GTF2H5: variants seen among roughly 807,000 people sequenced by gnomAD.
GTF2H5 encodes general transcription factor IIH subunit 5.
Under a neutral mutation model 7.1 loss-of-function variants are expected in GTF2H5, and 5 were observed. The observed-to-expected ratio is 0.71, with a 90% confidence interval of 0.37 to 1.49. The LOEUF is 1.49. Among genes scored for constraint, GTF2H5 ranks in the 40% most tolerant of loss-of-function variants. GTF2H5 has a pLI of 0.03. For synonymous variants in GTF2H5, 30 were observed against 31.7 expected (o/e 0.95, Z 0.18); for missense variants, 80 against 83.0 (o/e 0.96, Z 0.14).
intron 1 of GTF2H5, among the ~76,000 whole-genome samples, chr6:158,169,712 T>A (rs1173308126): frequency 1.5e-5 from 1 of 67,858 alleles, no homozygotes; most frequent in African/African-American, 7.9e-5. Context: ...ATATTGTATA[T>A]TATATATTAT....
chr6:158,184,900 G>C (rs762950785), intron 2 of GTF2H5, among the ~76,000 whole-genome samples: 3 of 152,130 alleles, frequency 2.0e-5, no homozygotes, highest in Non-Finnish European at 4.4e-5. Context: ...CTTTATAGGA[G>C]CTATACTAAG....
chr6:158,178,594 A>G (rs141127079), intron 2 of GTF2H5, among the ~76,000 whole-genome samples: 2,709 of 152,136 alleles, frequency 0.018, 79 homozygotes, highest in African/African-American at 0.062. Context: ...CATTACTCTA[A>G]TGACCAGTGA....
intron 1 of GTF2H5, among the ~76,000 whole-genome samples, chr6:158,169,662 A>T (rs866759015): frequency 6.8e-5 from 6 of 88,128 alleles, no homozygotes; most frequent in Non-Finnish European, 1.2e-4. Context: ...TACATATAAT[A>T]TATTGTATAT....
intron 2 of GTF2H5, among the ~76,000 whole-genome samples, chr6:158,182,668 G>A (rs751210376): frequency 4.6e-5 from 7 of 151,256 alleles, no homozygotes; most frequent in Admixed American, 6.6e-5. Context: ...TGATCAAATC[G>A]GCTATTGAAG....
chr6:158,182,999 C>G (rs1786030834), intron 2 of GTF2H5, among the ~76,000 whole-genome samples: 1 of 152,008 alleles, frequency 6.6e-6, no homozygotes, highest in Admixed American at 6.5e-5. Context: ...CTGGTTTCTC[C>G]CCATCTCTGT....
At chr6:158,185,659 C>T (rs758725674) in intron 2 of GTF2H5, among the ~76,000 whole-genome samples, 2 of 151,834 alleles carry the variant, frequency 1.3e-5, no homozygotes, top group Non-Finnish European at 2.9e-5. Flanking sequence ...CCCAAGTGTG[C>T]GGAATACCAT....
In GTF2H5 at chr6:158,194,208, T is replaced by A. The variant is rs2128432592; in HGVS notation, c.*2051T>A. The A allele has an allele frequency of 6.6e-6, 1 of 152,222 alleles. No homozygotes were observed. Among genetic ancestry groups the A allele is most frequent in the African/African-American group, 2.4e-5 (1 of 41,536 alleles). The allele number at this position is 152,222 out of a possible 1,614,324, so 9.4% of individuals were successfully genotyped here. ...AGTAAAAAAGAGAAAAAAAGATATT[T>A]ATGAGAAAACTATTGAACAGTGACT... On this transcript the variant is annotated 3_prime_UTR_variant, in exon 3 of 3. Coordinates refer to ENST00000607778, the MANE Select transcript of GTF2H5 (RefSeq NM_207118.3).
intron 2 of GTF2H5, among the ~76,000 whole-genome samples, chr6:158,191,368 T>G (rs576954202): frequency 8.6e-4 from 131 of 152,370 alleles, no homozygotes; most frequent in Non-Finnish European, 1.6e-3. Context: ...AAAGCTGTGA[T>G]TCTAGGCCCT....
At chr6:158,170,997 G>A (rs978422763) in intron 2 of GTF2H5, among the ~76,000 whole-genome samples, 2 of 152,104 alleles carry the variant, frequency 1.3e-5, no homozygotes, top group Non-Finnish European at 2.9e-5. Flanking sequence ...CAGTGTCCAG[G>A]AACCCCGGGA....
At chr6:158,169,106 C>T (rs894491825) in intron 1 of GTF2H5, among the ~76,000 whole-genome samples, 24 of 150,684 alleles carry the variant, frequency 1.6e-4, no homozygotes, top group African/African-American at 5.4e-4. Context: ...TGGTGGCGGG[C>T]GCCTGTAGTC....
At chr6:158,169,709 A>G (rs1239726602) in intron 1 of GTF2H5, among the ~76,000 whole-genome samples, 1 of 68,356 alleles carries the variant, frequency 1.5e-5, no homozygotes, top group Non-Finnish European at 2.6e-5. Flanking sequence ...AATATATTGT[A>G]TATTATATAT....
chr6:158,197,763 A>G lies in GTF2H5; in HGVS notation c.*5606A>G, dbSNP rs1777135334. ...CAAGGGCAGTTTAGCTAGAATTTCT[A>G]TCAAAAATCATTAGGTATCCATCTC... On this transcript the variant is annotated 3_prime_UTR_variant, in exon 3 of 3. Transcript: ENST00000607778. 1 of 152,004 alleles carries G rather than the reference A, an allele frequency of 6.6e-6. No homozygotes were observed. The highest frequency in any genetic ancestry group is 1.5e-5 in the Non-Finnish European group (1 of 67,990). 9.4% of individuals were successfully genotyped at this position (152,004 alleles called of 1,614,324 possible).
Position 158,175,044 on chromosome 6 carries a change from G to GTGTATATATGTGTGTGTGTGTGTGTA in GTF2H5, c.35+4507_35+4508insGTATATATGTGTGTGTGTGTGTGTAT. ...TGTGTGTGTGTGTGTGTGTGTGTGT[G>GTGTATATATGTGTGTGTGTGTGTGTA]TATACACACACACACACATACACAT... is the stretch of plus-strand genomic sequence containing the variant. On this transcript the variant is annotated intron_variant, in intron 2 of 2. Coordinates refer to ENST00000607778, the MANE Select transcript of GTF2H5 (RefSeq NM_207118.3). Among the ~76,000 whole-genome samples, 16 of 142,850 alleles carry GTGTATATATGTGTGTGTGTGTGTGTA rather than the reference G, an allele frequency of 1.1e-4. 1 individual carries two copies. Among genetic ancestry groups the GTGTATATATGTGTGTGTGTGTGTGTA allele is most frequent in the South Asian group, 4.4e-4 (2 of 4,516 alleles). The allele number at this position is 142,850 out of a possible 152,430, so 93.7% of individuals were successfully genotyped here. A position where few individuals can be genotyped will look rare whatever the true frequency, so the allele number is the denominator to read the frequency against.
chr6:158,169,684 T>TTGTATATTGTATATTATATAA (rs1785785807), intron 1 of GTF2H5, among the ~76,000 whole-genome samples: 1 of 53,748 alleles, frequency 1.9e-5, no homozygotes, highest in African/African-American at 1.7e-4. Context: ...ATATAATATA[T>TTGTATATTGTATATTATATAA]AATATATATT....
chr6:158,186,467 A>G (rs1042442285), intron 2 of GTF2H5, among the ~76,000 whole-genome samples: 5 of 152,268 alleles, frequency 3.3e-5, no homozygotes, highest in African/African-American at 1.2e-4. Context: ...GCAATGTTTC[A>G]ATGTCCAGTT....
chr6:158,172,316 C>CTTT (rs879859644), intron 2 of GTF2H5, among the ~76,000 whole-genome samples: 1 of 140,540 alleles, frequency 7.1e-6, no homozygotes, highest in Non-Finnish European at 1.6e-5. Context: ...AAATTAGCTT[C>CTTT]TTTTTTTTTT....
chr6:158,169,396 ATTATAT>A lies in GTF2H5; in HGVS notation c.-35+1003_-35+1008del, dbSNP rs1231933292. Among the ~76,000 whole-genome samples the A allele has an allele frequency of 4.9e-3, 342 of 70,294 alleles. 1 individual carries two copies. Among genetic ancestry groups the A allele is most frequent in the East Asian group, 0.024 (34 of 1,394 alleles). The allele number at this position is 70,294 out of a possible 152,430, so 46.1% of individuals were successfully genotyped here. A position where few individuals can be genotyped will look rare whatever the true frequency, so the allele number is the denominator to read the frequency against. On this transcript the variant is annotated intron_variant, in intron 1 of 2. Coordinates refer to ENST00000607778, the MANE Select transcript of GTF2H5 (RefSeq NM_207118.3). ...ATGTATATTATATATTATATATAAT[ATTATAT>A]TGTATATTATATATTATATATAATA...
At chr6:158,188,457 T>C (rs1008012608) in intron 2 of GTF2H5, among the ~76,000 whole-genome samples, 1 of 152,242 alleles carries the variant, frequency 6.6e-6, no homozygotes, top group African/African-American at 2.4e-5. Flanking sequence ...TGCAATATCA[T>C]CGGGAAGCAC....
At chr6:158,178,350 A>G (rs9355560) in intron 2 of GTF2H5, among the ~76,000 whole-genome samples, 88,919 of 151,058 alleles carry the variant, frequency 0.59, 27,182 homozygotes, top group African/African-American at 0.76. Flanking sequence ...GTGGCTACTC[A>G]GGAGGCTGAG....
Sources: gnomAD v4.1 joint callset for allele counts (sites outside exome capture counted in the v4.1 genomes callset) on GRCh38, gnomAD v4.1.1 for gene constraint, MANE v1.5 for transcripts, NCBI Gene and HGNC (gene_info 2026-07-23, HGNC 2026-07-21) for gene names.